Variants in SLC24A3 observed in about 807,000 individuals in gnomAD.
SLC24A3 encodes the protein sodium/potassium/calcium exchanger 3.
In SLC24A3, 28 loss-of-function variants were observed where a neutral mutation model predicts 75.8. The ratio of observed to expected loss-of-function variants is 0.37; its 90% CI spans 0.27 to 0.51. The LOEUF (loss-of-function observed/expected upper bound fraction) is 0.51, where lower values mean the gene tolerates loss of function less well. SLC24A3 is among the 20% of genes least tolerant of loss of function. The pLI, the probability that SLC24A3 is intolerant of heterozygous loss-of-function variation, is 0.94. For synonymous variants in SLC24A3, 372 were observed against 334.1 expected (o/e 1.11, Z -1.24); for missense variants, 663 against 847.8 (o/e 0.78, Z 2.71).
intron 1 of SLC24A3, among the ~76,000 whole-genome samples, chr20:19,263,076 C>T (rs1360368521): frequency 8.3e-6 from 1 of 120,762 alleles, no homozygotes; most frequent in African/African-American, 3.0e-5. Flanking sequence ...TGTGTGTTTT[C>T]TGTTGACCCC....
rs190622358 is a variant in SLC24A3, at chr20:19,422,842, C to T, written c.272-92646C>T. Reference sequence around the variant, plus strand: ...CCCACCCAGTGAGTTGGGGGAAGAACGAGCCCCCATAGAAGGATGTGTGAG... The same window carrying T: ...CCCACCCAGTGAGTTGGGGGAAGAATGAGCCCCCATAGAAGGATGTGTGAG... On this transcript the variant is annotated intron_variant, in intron 2 of 16. Coordinates refer to ENST00000328041, the MANE Select transcript of SLC24A3 (RefSeq NM_020689.4). Among the ~76,000 whole-genome samples the T allele has an allele frequency of 3.0e-4, 45 of 152,282 alleles. No individual in the cohort carries two copies. The East Asian group carries it at 3.3e-3, about 11-fold the overall frequency.
At chr20:19,220,622 A>G (rs1981681754) in intron 1 of SLC24A3, among the ~76,000 whole-genome samples, 1 of 152,242 alleles carries the variant, frequency 6.6e-6, no homozygotes, top group African/African-American at 2.4e-5. Flanking sequence ...TTTGAAAGTC[A>G]AGGTGATAAG....
chr20:19,664,451 G>T (rs183036591), intron 7 of SLC24A3, among the ~76,000 whole-genome samples: 93 of 152,342 alleles, frequency 6.1e-4, no homozygotes, highest in East Asian at 1.3e-3. Flanking sequence ...CCAATGGCTT[G>T]TTGGGAAGAA....
At chr20:19,618,663 G>A (rs551418681) in intron 6 of SLC24A3, among the ~76,000 whole-genome samples, 63 of 152,286 alleles carry the variant, frequency 4.1e-4, no homozygotes, top group Admixed American at 1.1e-3. Context: ...TAAGCCTCTT[G>A]TGCCTCTGTT....
chr20:19,281,538 A>G (rs1983664808), intron 2 of SLC24A3, among the ~76,000 whole-genome samples: 1 of 152,214 alleles, frequency 6.6e-6, no homozygotes, highest in Non-Finnish European at 1.5e-5. Context: ...GGAAGAGGCG[A>G]ATATTAATTT....
chr20:19,409,297 A>T (rs989845658), intron 2 of SLC24A3, among the ~76,000 whole-genome samples: 4 of 152,090 alleles, frequency 2.6e-5, no homozygotes, highest in Non-Finnish European at 2.9e-5. Context: ...GGGCGAGGGG[A>T]GGTGGAAACA....
chr20:19,407,537 A>T (rs1175884963), intron 2 of SLC24A3, among the ~76,000 whole-genome samples: 1 of 152,246 alleles, frequency 6.6e-6, no homozygotes, highest in East Asian at 1.9e-4. Context: ...TGCAGGAAAG[A>T]TGCAGCAGAG....
chr20:19,506,326 G>A (rs896618413), intron 2 of SLC24A3, among the ~76,000 whole-genome samples: 4 of 152,180 alleles, frequency 2.6e-5, no homozygotes, highest in African/African-American at 4.8e-5. Context: ...ACTTGTGGTT[G>A]CATCTTCCTT....
At chr20:19,326,830 G>A (rs1179336179) in intron 2 of SLC24A3, among the ~76,000 whole-genome samples, 7 of 152,028 alleles carry the variant, frequency 4.6e-5, no homozygotes, top group African/African-American at 1.7e-4. Context: ...TGATCCTCCT[G>A]CCTCAGCCTC....
At chr20:19,318,432 G>GA (rs1984632465) in intron 2 of SLC24A3, among the ~76,000 whole-genome samples, 1 of 152,176 alleles carries the variant, frequency 6.6e-6, no homozygotes, top group African/African-American at 2.4e-5. Context: ...GAGCCAGGGG[G>GA]AAACACTGGC....
chr20:19,488,425 A>G (rs1988159386), intron 2 of SLC24A3, among the ~76,000 whole-genome samples: 1 of 152,210 alleles, frequency 6.6e-6, no homozygotes, highest in Admixed American at 6.5e-5. Flanking sequence ...ATAGAGCCTC[A>G]TGTGTGAGGT....
At chr20:19,474,034 C>T (rs879697334) in intron 2 of SLC24A3, among the ~76,000 whole-genome samples, 6 of 152,202 alleles carry the variant, frequency 3.9e-5, no homozygotes, top group African/African-American at 7.2e-5. Context: ...ATTAAACTGT[C>T]GGAGGAGATG....
intron 6 of SLC24A3, among the ~76,000 whole-genome samples, chr20:19,641,244 T>C (rs1341937449): frequency 6.6e-6 from 1 of 152,104 alleles, no homozygotes; most frequent in African/African-American, 2.4e-5. Flanking sequence ...CATATACCCA[T>C]CTGAGATCTC....
intron 3 of SLC24A3, among the ~76,000 whole-genome samples, chr20:19,540,191 G>A (rs1286601469): frequency 1.3e-5 from 2 of 152,148 alleles, no homozygotes; most frequent in Admixed American, 6.5e-5. Context: ...TTCGGGATAT[G>A]ATGTTCTGAG....
chr20:19,236,046 ACTT>A (rs1191714063), intron 1 of SLC24A3, among the ~76,000 whole-genome samples: 13 of 152,354 alleles, frequency 8.5e-5, no homozygotes, highest in African/African-American at 2.9e-4. Context: ...CGTCCTGACC[ACTT>A]CTTCTATCTC....
intron 15 of SLC24A3, among the ~76,000 whole-genome samples, chr20:19,700,634 C>A (rs2032859725): frequency 1.3e-5 from 2 of 152,206 alleles, no homozygotes. Flanking sequence ...AACATTTCAG[C>A]ATATTTTTCT....
At chr20:19,327,834 C>T (rs913007901) in intron 2 of SLC24A3, among the ~76,000 whole-genome samples, 2 of 152,144 alleles carry the variant, frequency 1.3e-5, no homozygotes, top group African/African-American at 4.8e-5. Flanking sequence ...CTGTGTGTCA[C>T]TCATTATGTG....
chr20:19,699,826 G>C (rs2032851218), intron 15 of SLC24A3, among the ~76,000 whole-genome samples: 1 of 152,194 alleles, frequency 6.6e-6, no homozygotes, highest in Non-Finnish European at 1.5e-5. Flanking sequence ...GGAGGCTGAG[G>C]CTTTTGGGGA....
intron 2 of SLC24A3, among the ~76,000 whole-genome samples, chr20:19,285,338 C>T (rs1055933560): frequency 1.3e-5 from 2 of 151,662 alleles, no homozygotes; most frequent in African/African-American, 4.8e-5. Context: ...GTTAGCCAGT[C>T]GTGGTGGTGT....
Sources: allele counts gnomAD v4.1 joint callset (sites outside exome capture counted in the v4.1 genomes callset), GRCh38; gene constraint gnomAD v4.1.1; transcripts MANE v1.5; gene names NCBI Gene and HGNC (gene_info 2026-07-23, HGNC 2026-07-21).